The following TRIM16 variants were observed in gnomAD, a reference collection of about 807,000 sequenced individuals.
The protein encoded by TRIM16 is tripartite motif containing 16.
A neutral mutation model predicts 50.4 loss-of-function variants in TRIM16; 33 were observed. That is an observed-to-expected ratio of 0.65 (90% CI 0.50 to 0.88). TRIM16 has a LOEUF of 0.88. Among genes scored for constraint, TRIM16 ranks in the 40% least tolerant of loss-of-function variants. TRIM16 has a pLI of 0.00. For missense variants in TRIM16, 581 were observed against 686.8 expected (o/e 0.85, Z 1.72); for synonymous variants, 229 against 270.7 (o/e 0.85, Z 1.51).
At chr17:15,665,275 G>A in intron 6 of TRIM16, among the ~76,000 whole-genome samples, 1 of 152,142 alleles carries the variant, frequency 6.6e-6, no homozygotes. Context: ...CACTTTGGGA[G>A]GCTGCGGCGG....
intron 4 of TRIM16, among the ~76,000 whole-genome samples, chr17:15,677,960 G>T (rs986870564): frequency 1.3e-5 from 2 of 152,190 alleles, no homozygotes; most frequent in Non-Finnish European, 2.9e-5. Context: ...GCTCACGCCT[G>T]TAATCCCAGC....
chr17:15,628,457 T>C lies in TRIM16; in HGVS notation c.*158A>G. On this transcript the variant is annotated 3_prime_UTR_variant, in exon 12 of 12. Transcript: ENST00000649191. The stretch of plus-strand genomic sequence containing the variant: ...CAAACACATAGAGAACAGCACCATA[T>C]GGAGCAAAAGAGAGCAGCTGGAGAA... 1.6e-6 allele frequency: 1 copy of C among 635,158 alleles called. No homozygotes were observed. The highest frequency in any genetic ancestry group is 2.1e-5 in the South Asian group (1 of 48,160). 39.3% of individuals were successfully genotyped at this position (635,158 alleles called of 1,614,324 possible). A position where few individuals can be genotyped will look rare whatever the true frequency, so the allele number is the denominator to read the frequency against.
chr17:15,651,175 A>G lies in TRIM16; in HGVS notation c.435T>C (p.Asp145=). The change falls in exon 7 of 12, where the codon GAT becomes GAC. Residue 145 remains aspartate (D), a synonymous_variant. Coordinates refer to ENST00000649191, the MANE Select transcript of TRIM16 (RefSeq NM_001348119.1). ...HSPLSAFCCP[D]QQCICQDCCQ... The stretch of plus-strand genomic sequence containing the variant: ...AACAGTCCTGGCAGATGCACTGCTG[A>G]TCAGGGCAGCAGAAGGCAGACAGTG... 6.2e-7 allele frequency: 1 copy of G among 1,614,192 alleles called. No individual in the cohort carries two copies. Among genetic ancestry groups the G allele is most frequent in the Non-Finnish European group, 8.5e-7 (1 of 1,180,030 alleles).
intron 5 of TRIM16, 90 bp from the exon 6 acceptor site, chr17:15,677,370 AG>A: frequency 1.1e-6 from 1 of 933,764 alleles, no homozygotes; most frequent in Non-Finnish European, 1.3e-6. Flanking sequence ...TTTAGAGAGG[AG>A]AAAACGAAAT....
intron 6 of TRIM16, among the ~76,000 whole-genome samples, chr17:15,653,297 C>A (rs73272111): frequency 6.6e-6 from 1 of 152,194 alleles, no homozygotes; most frequent in Admixed American, 6.5e-5. Flanking sequence ...TCTTGTACAG[C>A]CTGCAAAACC....
chr17:15,657,131 T>G (rs1988017368), intron 6 of TRIM16, among the ~76,000 whole-genome samples: 2 of 152,198 alleles, frequency 1.3e-5, no homozygotes, highest in Admixed American at 1.3e-4. Flanking sequence ...TTTTTAATTG[T>G]GATAAAATAC....
At chr17:15,643,006 C>T (rs1003584623) in intron 7 of TRIM16, 190 bp from the exon 8 acceptor site, 1 of 610,992 alleles carries the variant, frequency 1.6e-6, no homozygotes, top group African/African-American at 4.4e-5. Flanking sequence ...GGGCTGCAGT[C>T]AGCATGAGTC....
intron 6 of TRIM16, among the ~76,000 whole-genome samples, chr17:15,656,760 T>C (rs1456285627): frequency 1.3e-5 from 2 of 152,210 alleles, no homozygotes; most frequent in Non-Finnish European, 2.9e-5. Flanking sequence ...GTTTGGTTTT[T>C]GTTTTTTGAA....
chr17:15,657,240 T>C (rs1988022092), intron 6 of TRIM16, among the ~76,000 whole-genome samples: 1 of 152,140 alleles, frequency 6.6e-6, no homozygotes. Flanking sequence ...CTGGGTTGTT[T>C]GTTTGTTTGT....
At chr17:15,672,771 C>G (rs1424284015) in intron 6 of TRIM16, among the ~76,000 whole-genome samples, 1 of 152,094 alleles carries the variant, frequency 6.6e-6, no homozygotes, top group Non-Finnish European at 1.5e-5. Context: ...GAGGAGAGCA[C>G]AAGCATAGAC....
chr17:15,629,275 G>T, intron 11 of TRIM16, 77 bp from the exon 12 acceptor site: 2 of 829,792 alleles, frequency 2.4e-6, no homozygotes, highest in South Asian at 1.8e-5. Context: ...AACCCAGCTG[G>T]GCTCCAAAGC....
intron 1 of TRIM16, 70 bp from the exon 2 acceptor site, chr17:15,683,227 T>G: frequency 8.4e-7 from 1 of 1,192,374 alleles, no homozygotes; most frequent in Non-Finnish European, 1.2e-6. Flanking sequence ...TCTCTGAGAC[T>G]CTACTCAGAA....
rs1199842635 is a variant in TRIM16, at chr17:15,681,030, A to T, written c.-678-77T>A. 18 of 1,274,924 alleles carry T rather than the reference A, an allele frequency of 1.4e-5. No individual in the cohort carries two copies. The Admixed American group carries it at 1.8e-4, about 12-fold the overall frequency. The allele number at this position is 1,274,924 out of a possible 1,614,324, so 79.0% of individuals were successfully genotyped here. On this transcript the variant is annotated intron_variant, in intron 3 of 11. Transcript: ENST00000649191. ...CCTATGAATTTAGAAACAGCCACTT[A>T]TGAGAAAATGTGCCTCTGACCTTGG...
intron 6 of TRIM16, 56 bp downstream of exon 6, chr17:15,677,120 G>C (rs1390049059): frequency 2.9e-5 from 28 of 969,588 alleles, no homozygotes; most frequent in Non-Finnish European, 2.8e-5. Context: ...CGGAGGATTT[G>C]GGAAGAACCC....
At chr17:15,655,600 A>G (rs1987937692) in intron 6 of TRIM16, among the ~76,000 whole-genome samples, 1 of 149,420 alleles carries the variant, frequency 6.7e-6, no homozygotes, top group African/African-American at 2.5e-5. Context: ...TTTGAGACGG[A>G]GTATCGCTCT....
At position 15,652,455 on chromosome 17, in the gene TRIM16, CTTTTTTTTT is replaced by C. The variant is rs34158100; in HGVS notation, c.-337-518_-337-510del. Among the ~76,000 whole-genome samples the C allele has an allele frequency of 7.6e-5, 5 of 65,396 alleles. 1 individual carries two copies. In the South Asian group the frequency reaches 1.8e-3, roughly 23 times the overall value. 42.9% of individuals were successfully genotyped at this position (65,396 alleles called of 152,430 possible). On this transcript the variant is annotated intron_variant, in intron 6 of 11. Coordinates refer to ENST00000649191, the MANE Select transcript of TRIM16 (RefSeq NM_001348119.1). ...ATTACAGGTGAGCCACGGTGCCCACCTTTTTTTTTTTTTTTTTTTTTTTTTTGAGACACA... is the reference window on the plus strand; with the variant it reads ...ATTACAGGTGAGCCACGGTGCCCACCTTTTTTTTTTTTTTTTTGAGACACA...
At chr17:15,640,456 G>T (rs1356083659) in intron 8 of TRIM16, among the ~76,000 whole-genome samples, 1 of 148,584 alleles carries the variant, frequency 6.7e-6, no homozygotes, top group East Asian at 2.0e-4. Flanking sequence ...AACATCCTAT[G>T]CCCATAATGG....
At chr17:15,657,788 T>C (rs1018497845) in intron 6 of TRIM16, among the ~76,000 whole-genome samples, 1 of 152,226 alleles carries the variant, frequency 6.6e-6, no homozygotes, top group Non-Finnish European at 1.5e-5. Context: ...AGAATCCTAC[T>C]GACTATGCCT....
chr17:15,636,431 C>T lies in TRIM16; in HGVS notation c.616-162G>A, dbSNP rs572934438. On this transcript the variant is annotated intron_variant, in intron 8 of 11. Transcript: ENST00000649191. ...TTTATTCTCATGTGAATTCCAGGTT[C>T]CTGGAAAAAGGATTTACGTATTAAC... is the stretch of plus-strand genomic sequence containing the variant. Among the ~76,000 whole-genome samples, 188 of 149,916 alleles carry T rather than the reference C, an allele frequency of 1.3e-3. 8 individuals carry two copies. Among genetic ancestry groups the T allele is most frequent in the Non-Finnish European group, 2.3e-3 (153 of 67,552 alleles).
Sources: allele counts gnomAD v4.1 joint callset (sites outside exome capture counted in the v4.1 genomes callset), GRCh38; gene constraint gnomAD v4.1.1; transcripts MANE v1.5; gene names NCBI Gene and HGNC (gene_info 2026-07-23, HGNC 2026-07-21).